The following ENTPD3 variants were observed in gnomAD, a reference collection of about 807,000 sequenced individuals.
ENTPD3 encodes the protein CD39 antigen-like 3.
In ENTPD3, 60 loss-of-function variants were observed where a neutral mutation model predicts 51.2. The observed-to-expected ratio is 1.17, with a 90% CI of 0.95 to 1.45. ENTPD3 has a LOEUF of 1.45. Ranked by LOEUF, ENTPD3 falls within the 40% of genes most tolerant of loss-of-function variation. ENTPD3 has a pLI of 0.00. For synonymous variants in ENTPD3, 221 were observed against 238.4 expected (o/e 0.93, Z 0.67); for missense variants, 593 against 641.1 (o/e 0.93, Z 0.81).
intron 4 of ENTPD3, 123 bp downstream of exon 4, chr3:40,401,134 T>A: frequency 1.3e-6 from 1 of 741,662 alleles, no homozygotes; most frequent in South Asian, 1.6e-5. Flanking sequence ...GGACTGGGAG[T>A]CAGGAAATAG....
intron 4 of ENTPD3, among the ~76,000 whole-genome samples, chr3:40,401,872 G>T (rs1448958793): frequency 6.6e-6 from 1 of 152,206 alleles, no homozygotes; most frequent in Non-Finnish European, 1.5e-5. Flanking sequence ...TTAATGATCC[G>T]CCATGCAGCT....
chr3:40,407,400 T>C (rs1177720460), intron 4 of ENTPD3, among the ~76,000 whole-genome samples: 6 of 152,230 alleles, frequency 3.9e-5, no homozygotes, highest in Non-Finnish European at 8.8e-5. Flanking sequence ...ATAATTTTCA[T>C]ATGTCATGAA....
In ENTPD3 at chr3:40,418,213, G is replaced by A. The variant is rs535445020; in HGVS notation, c.831+2140G>A. 3.8e-4 allele frequency among the ~76,000 whole-genome samples: 58 copies of A among 152,304 alleles called. 3 individuals are homozygous for A. The South Asian group carries it at 0.012, about 31-fold the overall frequency. ...TTTGCATGGTAACCTCTAGATGCCT[G>A]ATAGGGTGGCTCTGCCCTCAGAGGC... On this transcript the variant is annotated intron_variant, in intron 7 of 10. Transcript: ENST00000301825.
chr3:40,425,423 T>A (rs971505615), intron 10 of ENTPD3, among the ~76,000 whole-genome samples: 4 of 150,930 alleles, frequency 2.7e-5, no homozygotes, highest in Non-Finnish European at 1.5e-5. Flanking sequence ...TCTCAAAAAA[T>A]AAAAATAAAA....
intron 8 of ENTPD3, 48 bp from the exon 9 acceptor site, chr3:40,423,243 T>A: frequency 6.4e-7 from 1 of 1,572,544 alleles, no homozygotes; most frequent in Non-Finnish European, 8.7e-7. Flanking sequence ...ACCTTTCTAT[T>A]ATACCCCATT....
intron 3 of ENTPD3, among the ~76,000 whole-genome samples, chr3:40,392,810 A>G (rs1235848480): frequency 6.6e-6 from 1 of 151,926 alleles, no homozygotes; most frequent in East Asian, 1.9e-4. Context: ...AAATTTTTCC[A>G]AAAAAAGGAA....
Position 40,427,617 on chromosome 3 carries a change from A to G in ENTPD3, c.*109A>G. On this transcript the variant is annotated 3_prime_UTR_variant, in exon 11 of 11. Transcript: ENST00000301825. Reference sequence around the variant, plus strand: ...TCAGGAAATACAACTAACTAAAATCAAACACCTAGGTCACGTGCCTCTCAA... The same window carrying G: ...TCAGGAAATACAACTAACTAAAATCGAACACCTAGGTCACGTGCCTCTCAA... The G allele has an allele frequency of 1.3e-6, 1 of 795,976 alleles. No individual in the cohort carries two copies. The highest frequency in any genetic ancestry group is 2.1e-6 in the Non-Finnish European group (1 of 468,430). The allele number at this position is 795,976 out of a possible 1,614,324, so 49.3% of individuals were successfully genotyped here. A position where few individuals can be genotyped will look rare whatever the true frequency, so the allele number is the denominator to read the frequency against.
intron 4 of ENTPD3, among the ~76,000 whole-genome samples, chr3:40,401,435 A>G (rs1459986842): frequency 6.6e-6 from 1 of 152,214 alleles, no homozygotes; most frequent in Non-Finnish European, 1.5e-5. Flanking sequence ...ACGGACAGAT[A>G]GTATGCACTC....
chr3:40,388,537 G>T (rs1954988424), intron 2 of ENTPD3, among the ~76,000 whole-genome samples: 1 of 149,942 alleles, frequency 6.7e-6, no homozygotes, highest in South Asian at 2.1e-4. Context: ...GGTTGATACT[G>T]CAGGCACAAG....
intron 4 of ENTPD3, among the ~76,000 whole-genome samples, chr3:40,403,513 GAT>G (rs1955419471): frequency 6.6e-6 from 1 of 152,156 alleles, no homozygotes; most frequent in Non-Finnish European, 1.5e-5. Flanking sequence ...GAAAGAGCAA[GAT>G]CTTGAGCAAG....
At chr3:40,413,416 A>G (rs1955678101) in intron 5 of ENTPD3, among the ~76,000 whole-genome samples, 1 of 152,224 alleles carries the variant, frequency 6.6e-6, no homozygotes, top group South Asian at 2.1e-4. Context: ...CAATTCCATT[A>G]AATGTCTGTA....
chr3:40,397,060 G>C (rs144435490), intron 3 of ENTPD3, among the ~76,000 whole-genome samples: 100 of 150,500 alleles, frequency 6.6e-4, no homozygotes, highest in African/African-American at 2.3e-3. Context: ...CTGGATTTCT[G>C]GTGCCTTGTA....
At chr3:40,391,962 AGAAT>A in intron 2 of ENTPD3, 57 bp from the exon 3 acceptor site, 1 of 1,597,236 alleles carries the variant, frequency 6.3e-7, no homozygotes, top group East Asian at 2.2e-5. Context: ...AATTCTACAA[AGAAT>A]ACCAGTGCCT....
intron 4 of ENTPD3, among the ~76,000 whole-genome samples, chr3:40,410,979 T>G (rs1305332691): frequency 6.6e-6 from 1 of 152,110 alleles, no homozygotes; most frequent in Non-Finnish European, 1.5e-5. Context: ...CATGACTGGA[T>G]AGTTAATGAT....
intron 3 of ENTPD3, among the ~76,000 whole-genome samples, chr3:40,394,866 T>C (rs1955158677): frequency 6.6e-6 from 1 of 152,184 alleles, no homozygotes; most frequent in Non-Finnish European, 1.5e-5. Flanking sequence ...GGCCCCACAT[T>C]TCAGAAGGAC....
chr3:40,425,313 G>A (rs1050437775), intron 10 of ENTPD3, among the ~76,000 whole-genome samples: 1 of 152,044 alleles, frequency 6.6e-6, no homozygotes, highest in Non-Finnish European at 1.5e-5. Flanking sequence ...GCTACTCAGA[G>A]GCTGAGGCAG....
At position 40,428,412 on chromosome 3, in the gene ENTPD3, A is replaced by G. The variant is rs1053897597; in HGVS notation, c.*904A>G. 3 of 152,184 alleles carry G rather than the reference A, an allele frequency of 2.0e-5. No individual in the cohort carries two copies. The highest frequency in any genetic ancestry group is 7.2e-5 in the African/African-American group (3 of 41,448). 9.4% of individuals were successfully genotyped at this position (152,184 alleles called of 1,614,324 possible). ...ATCCTACTCTATGATTTACTAACCAATTACTTTCCCAGATCATAGACCTCT... is the reference window on the plus strand; with the variant it reads ...ATCCTACTCTATGATTTACTAACCAGTTACTTTCCCAGATCATAGACCTCT... On this transcript the variant is annotated 3_prime_UTR_variant, in exon 11 of 11. Coordinates refer to ENST00000301825, the MANE Select transcript of ENTPD3 (RefSeq NM_001248.4).
At chr3:40,389,652 G>T (rs947412484) in intron 2 of ENTPD3, among the ~76,000 whole-genome samples, 1 of 152,224 alleles carries the variant, frequency 6.6e-6, no homozygotes, top group Admixed American at 6.5e-5. Context: ...TTGACACCAA[G>T]AAGTGTCTGT....
In ENTPD3 at chr3:40,411,870, G is replaced by A. The variant is rs147718780; in HGVS notation, c.345G>A (p.Glu115=). The part of the protein sequence containing the change: ...NPQDVPRAFE[E]CMQKVKGQVP... ...AAGATGTCCCCAGAGCCTTTGAGGA[G>A]TGTATGCAAAAAGTCAAGGGGCAGG... Residue 115 remains glutamate (E), a synonymous_variant, in exon 5 of 11, where the codon GAG becomes GAA. Transcript: ENST00000301825. 2,280 of 1,612,502 alleles carry A rather than the reference G, an allele frequency of 1.4e-3. 18 individuals carry two copies. Among genetic ancestry groups the A allele is most frequent in the East Asian group, 0.013 (597 of 44,818 alleles).
Sources: allele counts gnomAD v4.1 joint callset (sites outside exome capture counted in the v4.1 genomes callset), GRCh38; gene constraint gnomAD v4.1.1; transcripts MANE v1.5; gene names NCBI Gene and HGNC (gene_info 2026-07-23, HGNC 2026-07-21).